TRMT44: variants seen among roughly 807,000 people sequenced by gnomAD.
TRMT44 encodes tRNA methyltransferase 44 homolog, also known as probable tRNA (uracil-O(2)-)-methyltransferase.
TRMT44 carries 78 observed loss-of-function variants against 77.3 expected under a neutral mutation model. The ratio of observed to expected loss-of-function variants is 1.01; its 90% CI spans 0.84 to 1.22. TRMT44 has a LOEUF of 1.22. Among genes scored for constraint, TRMT44 ranks in the 50% most tolerant of loss-of-function variants. TRMT44 has a pLI of 0.00. For missense variants in TRMT44, 1,090 were observed against 964.4 expected, an observed-to-expected ratio of 1.13 and a Z score of -1.73; for synonymous variants, 391 against 383.3, an observed-to-expected ratio of 1.02 and a Z score of -0.23.
chr4:8,456,497 G>A (rs775793818), intron 6 of TRMT44, among the ~76,000 whole-genome samples: 4 of 150,872 alleles, frequency 2.7e-5, no homozygotes, highest in Non-Finnish European at 4.4e-5. Context: ...AGCTGCAGTT[G>A]CCCACCATTT....
chr4:8,480,382 A>G (rs1054338075), downstream of TRMT44, among the ~76,000 whole-genome samples: 3 of 152,074 alleles, frequency 2.0e-5, no homozygotes, highest in African/African-American at 7.2e-5. Context: ...TTTTCCCATG[A>G]TGCTTTCCTT....
At chr4:8,490,904 C>T (rs1320885399) in intron 2 of TRMT44, among the ~76,000 whole-genome samples, 2 of 152,122 alleles carry the variant, frequency 1.3e-5, no homozygotes, top group African/African-American at 2.4e-5. Flanking sequence ...AGGTTCTCCA[C>T]GTCCCCATCA....
intron 10 of TRMT44, among the ~76,000 whole-genome samples, chr4:8,475,042 G>C (rs141805060): frequency 6.6e-6 from 1 of 152,286 alleles, no homozygotes; most frequent in South Asian, 2.1e-4. Context: ...GTCCCCCTTC[G>C]TGTTCCTGTT....
intron 2 of TRMT44, among the ~76,000 whole-genome samples, chr4:8,491,564 C>A (rs536161853): frequency 2.0e-5 from 3 of 152,350 alleles, no homozygotes; most frequent in African/African-American, 7.2e-5. Context: ...CATGGAAAGG[C>A]AGCTAAGGCC....
chr4:8,454,678 G>A lies in TRMT44; in HGVS notation c.1132-64G>A, dbSNP rs971414538. 6.5e-6 allele frequency: 10 copies of A among 1,527,916 alleles called. No individual in the cohort carries two copies. The African/African-American group carries it at 1.4e-4, about 21-fold the overall frequency. 94.6% of individuals were successfully genotyped at this position (1,527,916 alleles called of 1,614,324 possible). On this transcript the variant is annotated intron_variant, in intron 5 of 10. Coordinates refer to ENST00000389737, the MANE Select transcript of TRMT44 (RefSeq NM_152544.3). Reference sequence around the variant, plus strand: ...GGCAGTGCCTGCAGAACTTTAATGTGTTCTTGCTAACTTATTATGAAGTAC... The same window carrying A: ...GGCAGTGCCTGCAGAACTTTAATGTATTCTTGCTAACTTATTATGAAGTAC...
Position 8,443,261 on chromosome 4 carries a change from C to T in TRMT44, c.619+1820C>T, listed in dbSNP as rs559555110. On this transcript the variant is annotated intron_variant, in intron 1 of 10. Coordinates refer to ENST00000389737, the MANE Select transcript of TRMT44 (RefSeq NM_152544.3). ...TCCACTGGACTGAGGATTGGAGAGG[C>T]AGTGCCCGTGAGGCCTTCATGTGTA... is the stretch of plus-strand genomic sequence containing the variant. Among the ~76,000 whole-genome samples the T allele has an allele frequency of 3.3e-5, 5 of 152,344 alleles. No individual in the cohort carries two copies. The South Asian group carries it at 1.0e-3, about 32-fold the overall frequency.
In TRMT44 at chr4:8,440,784, C is replaced by G. The variant is rs1168111939; in HGVS notation, c.-39C>G. The G allele has an allele frequency of 7.2e-7, 1 of 1,380,698 alleles. No individual in the cohort carries two copies. Among genetic ancestry groups the G allele is most frequent in the African/African-American group, 1.5e-5 (1 of 65,556 alleles). 85.5% of individuals were successfully genotyped at this position (1,380,698 alleles called of 1,614,324 possible). A position where few individuals can be genotyped will look rare whatever the true frequency, so the allele number is the denominator to read the frequency against. ...GCCGCGCCACCGGGCTGCGTCATCT[C>G]GGCGCGCCGCTGCCAGGGCTGTACA... On this transcript the variant is annotated 5_prime_UTR_variant, in exon 1 of 11. Coordinates refer to ENST00000389737, the MANE Select transcript of TRMT44 (RefSeq NM_152544.3).
Position 8,446,616 on chromosome 4 carries a change from G to T in TRMT44, c.734+26G>T, listed in dbSNP as rs1412784096. On this transcript the variant is annotated intron_variant, in intron 2 of 10. Coordinates refer to ENST00000389737, the MANE Select transcript of TRMT44 (RefSeq NM_152544.3). This position sits in a 1 kb window ranked among gnomAD's most constrained non-coding sequence, Gnocchi z 4.3. ...GTAAGAGCTGGACAGTGGACTCCTA[G>T]TTTTATGGTTTCCATTGAGGATTTC... The T allele has an allele frequency of 2.1e-5, 30 of 1,454,320 alleles. No homozygotes were observed. The highest frequency in any genetic ancestry group is 2.3e-5 in the Non-Finnish European group (25 of 1,078,682). 90.1% of individuals were successfully genotyped at this position (1,454,320 alleles called of 1,614,324 possible).
intron 2 of TRMT44, among the ~76,000 whole-genome samples, chr4:8,483,794 AGG>A (rs1727712861): frequency 6.6e-6 from 1 of 152,232 alleles, no homozygotes; most frequent in Non-Finnish European, 1.5e-5. Flanking sequence ...GTCTGACAGA[AGG>A]GAAGAAATGA....
intron 6 of TRMT44, among the ~76,000 whole-genome samples, chr4:8,460,973 G>A (rs757999773): frequency 2.5e-4 from 38 of 152,186 alleles, no homozygotes; most frequent in Middle Eastern, 3.4e-3. Context: ...CTCAGCCTCC[G>A]AGTAGCTGGG....
the TRMT44 span, chr4:8,511,095 A>G: frequency 6.6e-6 from 1 of 152,160 alleles, no homozygotes; most frequent in South Asian, 2.1e-4. Flanking sequence ...GAGACTGGTT[A>G]CTCCAATCTG....
intron 6 of TRMT44, among the ~76,000 whole-genome samples, chr4:8,462,071 T>C (rs2109139638): frequency 6.6e-6 from 1 of 152,346 alleles, no homozygotes. Context: ...TGAACCTGTA[T>C]ATGAAACAGG....
At chr4:8,480,027 C>T (rs1257707117), downstream of TRMT44, among the ~76,000 whole-genome samples, 1 of 152,052 alleles carries the variant, frequency 6.6e-6, no homozygotes, top group Non-Finnish European at 1.5e-5. Context: ...ACCACAGGCA[C>T]GTGCCACCAT....
chr4:8,493,347 G>C (rs1184122803), exon 3 of TRMT44: 6 of 152,138 alleles, frequency 3.9e-5, no homozygotes, highest in African/African-American at 1.4e-4. Flanking sequence ...CCCAGGAATG[G>C]ACTCAGCTCA....
In TRMT44 at chr4:8,446,393, A is replaced by C. The variant is rs188915011; in HGVS notation, c.620-83A>C. ...TGGGGGATTGAAAGCATCGTGCTTG[A>C]CTCATCCCTATTTTTAATACTGCTT... On this transcript the variant is annotated intron_variant, in intron 1 of 10. Transcript: ENST00000389737. This position sits in a 1 kb window ranked among gnomAD's most constrained non-coding sequence, Gnocchi z 4.3. 2.5e-5 allele frequency: 21 copies of C among 848,778 alleles called. No homozygotes were observed. In the African/African-American group the frequency reaches 3.5e-4, roughly 14 times the overall value. The allele number at this position is 848,778 out of a possible 1,614,324, so 52.6% of individuals were successfully genotyped here. A position where few individuals can be genotyped will look rare whatever the true frequency, so the allele number is the denominator to read the frequency against.
downstream of TRMT44, among the ~76,000 whole-genome samples, chr4:8,494,215 T>C (rs1728091029): frequency 6.6e-6 from 1 of 152,036 alleles, no homozygotes; most frequent in African/African-American, 2.4e-5. Context: ...GCATAGGTTT[T>C]AAAAAGCTGC....
At chr4:8,482,669 A>G (rs760301098) in intron 2 of TRMT44, among the ~76,000 whole-genome samples, 1 of 152,176 alleles carries the variant, frequency 6.6e-6, no homozygotes, top group Non-Finnish European at 1.5e-5. Context: ...AGGTAATGTC[A>G]TCACTTAAGG....
intron 2 of TRMT44, among the ~76,000 whole-genome samples, chr4:8,491,352 T>A (rs909960592): frequency 6.6e-6 from 1 of 152,232 alleles, no homozygotes; most frequent in Non-Finnish European, 1.5e-5. Context: ...CTTCACCTAG[T>A]GGATCCCGCA....
chr4:8,481,732 C>T (rs995369887), intron 2 of TRMT44, among the ~76,000 whole-genome samples: 16 of 152,362 alleles, frequency 1.1e-4, no homozygotes, highest in Admixed American at 9.8e-4. Flanking sequence ...GCTAGGCCTA[C>T]ACAGAGTCAG....
Sources: gnomAD v4.1 joint callset for allele counts (sites outside exome capture counted in the v4.1 genomes callset) on GRCh38, gnomAD v4.1.1 for gene constraint, Gnocchi (gnomAD v3.1) non-coding constraint, MANE v1.5 for transcripts, NCBI Gene and HGNC (gene_info 2026-07-23, HGNC 2026-07-21) for gene names.